ANK2: variants seen among roughly 807,000 people sequenced by gnomAD.
ANK2 encodes the protein ankyrin 2.
A neutral mutation model predicts 360.5 loss-of-function variants in ANK2; 83 were observed. The ratio of observed to expected loss-of-function variants is 0.23; its 90% CI spans 0.19 to 0.28. The LOEUF (loss-of-function observed/expected upper bound fraction) is 0.28. Among genes scored for constraint, ANK2 ranks in the 10% least tolerant of loss-of-function variants. The probability of loss-of-function intolerance (pLI) is 1.00; values close to 1 mark genes in which losing one functional copy is unlikely to be tolerated. For synonymous variants in ANK2, 1,740 were observed against 1,759.5 expected, an observed-to-expected ratio of 0.99 and a Z score of 0.28; for missense variants, 4,201 against 4,795.7, an observed-to-expected ratio of 0.88 and a Z score of 3.66.
intron 16 of ANK2, 146 bp from the exon 17 acceptor site, chr4:113,278,314 G>C (rs2060998906): frequency 1.4e-6 from 1 of 728,566 alleles, no homozygotes; most frequent in Non-Finnish European, 2.4e-6. Context: ...AATTATTAGG[G>C]ATTTGTTTAT....
intron 14 of ANK2, among the ~76,000 whole-genome samples, chr4:113,272,067 T>A (rs1411968811): frequency 6.6e-6 from 1 of 152,186 alleles, no homozygotes; most frequent in Non-Finnish European, 1.5e-5. Context: ...GAAACTTAGC[T>A]CATTTAGAAC....
intron 1 of ANK2, among the ~76,000 whole-genome samples, chr4:112,831,997 T>G (rs570703713): frequency 1.0e-3 from 150 of 150,494 alleles, no homozygotes; most frequent in Non-Finnish European, 2.0e-3. Flanking sequence ...CTTTAAGAAC[T>G]GTAACACTCA....
At chr4:113,176,774 C>T (rs1449063848) in intron 2 of ANK2, among the ~76,000 whole-genome samples, 1 of 152,086 alleles carries the variant, frequency 6.6e-6, no homozygotes, top group Non-Finnish European at 1.5e-5. Context: ...CGCTATCCCT[C>T]GCTCCTCCCC....
chr4:112,903,483 A>G (rs1431930509), intron 1 of ANK2, among the ~76,000 whole-genome samples: 1 of 152,198 alleles, frequency 6.6e-6, no homozygotes, highest in East Asian at 1.9e-4. Flanking sequence ...TTTCATAACC[A>G]TTTATGGGCT....
rs29408 is a variant in ANK2 at position 113,270,563 on chromosome 4, T to C, written c.1486-3889T>C. Among the ~76,000 whole-genome samples the C allele has an allele frequency of 3.4e-3, 512 of 152,304 alleles. 16 individuals are homozygous for C. The East Asian group carries it at 0.068, about 20-fold the overall frequency. On this transcript the variant is annotated intron_variant, in intron 14 of 45. Coordinates refer to ENST00000357077, the MANE Select transcript of ANK2 (RefSeq NM_001148.6). Reference sequence around the variant, plus strand: ...TCTAATTTAAATATCAAATTTCAGATGTTATCTTTTGTTTATTTTTTTTCT... The same window carrying C: ...TCTAATTTAAATATCAAATTTCAGACGTTATCTTTTGTTTATTTTTTTTCT...
At chr4:113,044,135 G>A (rs2063664244) in intron 2 of ANK2, among the ~76,000 whole-genome samples, 1 of 152,100 alleles carries the variant, frequency 6.6e-6, no homozygotes. Context: ...GGGTAGATAT[G>A]GTTAGTTACC....
At chr4:112,855,544 T>C (rs1015250896) in intron 1 of ANK2, among the ~76,000 whole-genome samples, 4 of 152,212 alleles carry the variant, frequency 2.6e-5, no homozygotes, top group Non-Finnish European at 5.9e-5. Flanking sequence ...TCCCCCTGAA[T>C]GTATATATCA....
At chr4:112,801,960 G>C in the ANK2 span, among the ~76,000 whole-genome samples, 161 of 104,750 alleles carry the variant, frequency 1.5e-3, no homozygotes, top group African/African-American at 5.2e-3. Flanking sequence ...GACCATTCAT[G>C]ATTTTTTTTT....
At chr4:112,722,624 A>C in the ANK2 span, among the ~76,000 whole-genome samples, 1 of 152,178 alleles carries the variant, frequency 6.6e-6, no homozygotes, top group Non-Finnish European at 1.5e-5. Context: ...TCCAAAAATC[A>C]CATCTTCATG....
chr4:112,851,710 A>AC (rs984560886), intron 1 of ANK2, among the ~76,000 whole-genome samples: 1 of 149,928 alleles, frequency 6.7e-6, no homozygotes, highest in African/African-American at 2.5e-5. Flanking sequence ...TGCAACTTCC[A>AC]CCCCCCAGGT....
At chr4:113,366,858 A>G (rs887759026) in intron 41 of ANK2, among the ~76,000 whole-genome samples, 1 of 152,162 alleles carries the variant, frequency 6.6e-6, no homozygotes, top group Non-Finnish European at 1.5e-5. Context: ...TTTATATCTT[A>G]TATCTTGTTC....
chr4:113,013,957 G>C (rs1000322522), intron 2 of ANK2, among the ~76,000 whole-genome samples: 1 of 151,834 alleles, frequency 6.6e-6, no homozygotes, highest in Non-Finnish European at 1.5e-5. Flanking sequence ...AGGGAAAAAA[G>C]GTTGTGCAAC....
At chr4:112,721,568 A>G in the ANK2 span, among the ~76,000 whole-genome samples, 2,606 of 145,734 alleles carry the variant, frequency 0.018, 113 homozygotes, top group African/African-American at 0.062. Context: ...AAAAAAAAAA[A>G]AGGTTGGCTA....
intron 1 of ANK2, among the ~76,000 whole-genome samples, chr4:112,838,419 C>A (rs1486689426): frequency 6.6e-6 from 1 of 152,208 alleles, no homozygotes; most frequent in East Asian, 1.9e-4. Flanking sequence ...GAAATGCCTG[C>A]TTTTCAGGCA....
chr4:113,329,596 T>G (rs145135304), intron 26 of ANK2, among the ~76,000 whole-genome samples: 3 of 152,288 alleles, frequency 2.0e-5, no homozygotes, highest in African/African-American at 7.2e-5. Context: ...ACTTGTTCCC[T>G]ATCCACCTGC....
chr4:112,804,221 C>T, the ANK2 span, among the ~76,000 whole-genome samples: 6 of 152,048 alleles, frequency 3.9e-5, no homozygotes, highest in East Asian at 1.9e-4. Flanking sequence ...GGGGTTTCAC[C>T]GTGTTAGCTA....
intron 1 of ANK2, among the ~76,000 whole-genome samples, chr4:112,847,589 T>C (rs2063620693): frequency 6.6e-6 from 1 of 152,178 alleles, no homozygotes; most frequent in South Asian, 2.1e-4. Context: ...AAAGTACATA[T>C]GGGATAACTT....
At chr4:112,764,388 C>T in the ANK2 span, among the ~76,000 whole-genome samples, 159 of 151,878 alleles carry the variant, frequency 1.0e-3, no homozygotes, top group African/African-American at 3.2e-3. Flanking sequence ...CAGGCTGGAA[C>T]GCAATGGCCC....
chr4:113,277,316 A>G (rs1233470046), intron 15 of ANK2, among the ~76,000 whole-genome samples: 1 of 152,210 alleles, frequency 6.6e-6, no homozygotes, highest in African/African-American at 2.4e-5. Flanking sequence ...TTTTTGTTCT[A>G]TAGACCATTT....
Sources: allele counts gnomAD v4.1 joint callset (sites outside exome capture counted in the v4.1 genomes callset), GRCh38; gene constraint gnomAD v4.1.1; transcripts MANE v1.5; gene names NCBI Gene and HGNC (gene_info 2026-07-23, HGNC 2026-07-21).